ALK: variants seen among roughly 807,000 people sequenced by gnomAD.
ALK encodes ALK receptor tyrosine kinase, also known as ALK tyrosine kinase receptor.
A neutral mutation model predicts 163.1 loss-of-function variants in ALK; 74 were observed. The ratio of observed to expected loss-of-function variants is 0.45; its 90% confidence interval spans 0.38 to 0.55. The LOEUF (loss-of-function observed/expected upper bound fraction) is 0.55. Among genes scored for constraint, ALK ranks in the 20% least tolerant of loss-of-function variants. The pLI is 0.00. For missense variants in ALK, 2,063 were observed against 2,105.3 expected (o/e 0.98, Z 0.39); for synonymous variants, 960 against 843.2 (o/e 1.14, Z -2.40).
intron 4 of ALK, among the ~76,000 whole-genome samples, chr2:29,436,836 G>A (rs1670412642): frequency 6.6e-6 from 1 of 152,132 alleles, no homozygotes; most frequent in Non-Finnish European, 1.5e-5. Flanking sequence ...GAACATCTGT[G>A]CACTGTGATC....
chr2:29,891,841 C>T (rs1667156025), intron 1 of ALK, among the ~76,000 whole-genome samples: 1 of 152,170 alleles, frequency 6.6e-6, no homozygotes, highest in Non-Finnish European at 1.5e-5. Flanking sequence ...CAAGGAAGGG[C>T]ACAGTCTTCC....
At chr2:29,411,346 G>A (rs557798307) in intron 4 of ALK, among the ~76,000 whole-genome samples, 3 of 152,010 alleles carry the variant, frequency 2.0e-5, no homozygotes, top group African/African-American at 7.2e-5. Flanking sequence ...AATATGTTCA[G>A]GGTGGATTTC....
chr2:29,655,092 G>A (rs1015574610), intron 3 of ALK, among the ~76,000 whole-genome samples: 7 of 152,214 alleles, frequency 4.6e-5, no homozygotes, highest in East Asian at 1.9e-4. Flanking sequence ...TCAGAGAAAT[G>A]TCCAAAAATA....
In ALK at chr2:29,614,466, A is replaced by G. The variant is rs370479947; in HGVS notation, c.952+80384T>C. 1.2e-3 allele frequency among the ~76,000 whole-genome samples: 181 copies of G among 152,274 alleles called. No individual in the cohort carries two copies. In the Middle Eastern group the frequency reaches 0.014, roughly 11 times the overall value. ...CTGCCCTCCCAGGCTTGCTGAGCCTAGCTCCTTGCTCTAAGATTCCCCTCT... is the reference window on the plus strand; with the variant it reads ...CTGCCCTCCCAGGCTTGCTGAGCCTGGCTCCTTGCTCTAAGATTCCCCTCT... On this transcript the variant is annotated intron_variant, in intron 3 of 28. Coordinates refer to ENST00000389048, the MANE Select transcript of ALK (RefSeq NM_004304.5).
At chr2:29,256,707 C>A (rs776847020) in intron 11 of ALK, among the ~76,000 whole-genome samples, 1 of 151,874 alleles carries the variant, frequency 6.6e-6, no homozygotes. Flanking sequence ...AGGCAGGCCA[C>A]TATGAGGGGA....
intron 4 of ALK, among the ~76,000 whole-genome samples, chr2:29,413,035 A>C (rs1669768883): frequency 6.6e-6 from 1 of 152,220 alleles, no homozygotes; most frequent in Non-Finnish European, 1.5e-5. Flanking sequence ...AGCAATAACC[A>C]TCACTGATTT....
At chr2:29,268,280 T>C (rs535222273) in intron 11 of ALK, among the ~76,000 whole-genome samples, 1 of 152,312 alleles carries the variant, frequency 6.6e-6, no homozygotes, top group Admixed American at 6.5e-5. Flanking sequence ...TGTTGATGCC[T>C]TTCTATCTCA....
intron 3 of ALK, among the ~76,000 whole-genome samples, chr2:29,616,094 G>A (rs558420993): frequency 1.1e-4 from 17 of 152,298 alleles, no homozygotes; most frequent in Middle Eastern, 3.4e-3. Context: ...TCTCTACAGC[G>A]GACCTCACGG....
intron 4 of ALK, among the ~76,000 whole-genome samples, chr2:29,385,044 CA>C (rs1184716572): frequency 4.2e-5 from 6 of 142,596 alleles, no homozygotes; most frequent in South Asian, 2.2e-4. Flanking sequence ...ACTCTTGTCT[CA>C]AAAAAAAAAG....
At chr2:29,285,007 A>C (rs1320758110) in intron 9 of ALK, among the ~76,000 whole-genome samples, 1 of 152,196 alleles carries the variant, frequency 6.6e-6, no homozygotes, top group African/African-American at 2.4e-5. Flanking sequence ...AAACCTAATT[A>C]AGTTCACTTA....
intron 1 of ALK, among the ~76,000 whole-genome samples, chr2:29,765,172 A>G (rs1007460936): frequency 6.6e-6 from 1 of 152,216 alleles, no homozygotes; most frequent in Admixed American, 6.5e-5. Flanking sequence ...TTATTTATAA[A>G]TTACCCACCC....
chr2:29,307,254 C>A (rs1666550955), intron 8 of ALK, among the ~76,000 whole-genome samples: 1 of 152,232 alleles, frequency 6.6e-6, no homozygotes, highest in Non-Finnish European at 1.5e-5. Context: ...ATCTATTCTG[C>A]ATGCAACACC....
chr2:29,570,901 A>C (rs1424942917), intron 3 of ALK, among the ~76,000 whole-genome samples: 1 of 152,224 alleles, frequency 6.6e-6, no homozygotes, highest in East Asian at 1.9e-4. Context: ...TTAAACTAGA[A>C]GCAGGAAACA....
chr2:29,718,819 G>C (rs892211346), intron 1 of ALK, among the ~76,000 whole-genome samples: 1 of 152,190 alleles, frequency 6.6e-6, no homozygotes, highest in African/African-American at 2.4e-5. Context: ...GGTGGTAACT[G>C]TTAACCCACT....
At chr2:29,366,643 G>A (rs1308726400) in intron 5 of ALK, among the ~76,000 whole-genome samples, 2 of 152,192 alleles carry the variant, frequency 1.3e-5, no homozygotes, top group African/African-American at 4.8e-5. Context: ...CATGGAGTGA[G>A]TCTCAGTGGA....
In ALK at chr2:29,223,454, G is replaced by A. The variant is rs1335062401; in HGVS notation, c.3247C>T (p.Leu1083Phe). 1 of 1,614,194 alleles carries A rather than the reference G, an allele frequency of 6.2e-7. No homozygotes were observed. The highest frequency in any genetic ancestry group is 8.5e-7 in the Non-Finnish European group (1 of 1,180,036). ...LQSPEYKLSK[L>F]RTSTIMTDYN... Reference sequence around the variant, plus strand: ...TCGGTCATGATGGTCGAGGTGCGGAGCTTGCTCAGCTTGTACTCAGGGCTC... The same window carrying A: ...TCGGTCATGATGGTCGAGGTGCGGAACTTGCTCAGCTTGTACTCAGGGCTC... Residue 1083 changes from leucine to phenylalanine, a missense_variant, in exon 20 of 29, where the codon CTC becomes TTC. By Grantham distance (22) the Leu-to-Phe change is conservative. This residue lies in a region of ALK where 575 missense variants were observed against 626.6 expected (regional missense o/e 0.92). Coordinates refer to ENST00000389048, the MANE Select transcript of ALK (RefSeq NM_004304.5).
At chr2:29,830,197 A>G (rs1665326777) in intron 1 of ALK, among the ~76,000 whole-genome samples, 1 of 152,252 alleles carries the variant, frequency 6.6e-6, no homozygotes. Context: ...GTGAACAAAT[A>G]CATGCTTTGT....
chr2:29,393,254 G>A (rs930380812), intron 4 of ALK, among the ~76,000 whole-genome samples: 8 of 152,204 alleles, frequency 5.3e-5, no homozygotes, highest in African/African-American at 1.9e-4. Flanking sequence ...GGCCTCAGAA[G>A]CAAGTTCTGT....
intron 3 of ALK, among the ~76,000 whole-genome samples, chr2:29,639,367 T>C (rs1369880897): frequency 6.6e-6 from 1 of 152,172 alleles, no homozygotes; most frequent in Non-Finnish European, 1.5e-5. Context: ...GCTCCTTCTG[T>C]GCACTGCCCC....
Sources: allele counts gnomAD v4.1 joint callset (sites outside exome capture counted in the v4.1 genomes callset), GRCh38; gene constraint gnomAD v4.1.1; regional missense constraint gnomAD v4.1.1; transcripts MANE v1.5; gene names NCBI Gene and HGNC (gene_info 2026-07-23, HGNC 2026-07-21).